Variants in CCDC3 observed in about 807,000 individuals in gnomAD.
CCDC3 encodes the protein coiled-coil domain-containing protein 3.
Under a neutral mutation model 21.4 loss-of-function variants are expected in CCDC3, and 24 were observed. That is an observed-to-expected ratio of 1.12 (90% CI 0.81 to 1.58). CCDC3 has a LOEUF of 1.58. Ranked by LOEUF, CCDC3 falls within the 40% of genes most tolerant of loss-of-function variation. CCDC3 has a pLI of 0.00. For synonymous variants in CCDC3, 186 were observed against 166.0 expected (o/e 1.12, Z -0.93); for missense variants, 425 against 360.9 (o/e 1.18, Z -1.44).
chr10:13,078,655 A>G (rs1007141840), intron 3 of CCDC3, among the ~76,000 whole-genome samples: 1 of 152,190 alleles, frequency 6.6e-6, no homozygotes, highest in Admixed American at 6.5e-5. Flanking sequence ...TGTGGCACAT[A>G]TACACCCTGG....
intron 2 of CCDC3, among the ~76,000 whole-genome samples, chr10:12,903,191 G>A (rs765848045): frequency 6.6e-6 from 1 of 152,196 alleles, no homozygotes; most frequent in Non-Finnish European, 1.5e-5. Flanking sequence ...AGTAGGGGGA[G>A]CCTGTGTCAT....
intron 2 of CCDC3, among the ~76,000 whole-genome samples, chr10:12,953,019 T>C (rs1835030485): frequency 6.6e-6 from 1 of 152,152 alleles, no homozygotes; most frequent in Non-Finnish European, 1.5e-5. Flanking sequence ...CACACAGTCC[T>C]GTTGGACCCC....
intron 2 of CCDC3, among the ~76,000 whole-genome samples, chr10:12,989,418 T>C (rs1201217328): frequency 6.6e-6 from 1 of 152,108 alleles, no homozygotes; most frequent in Non-Finnish European, 1.5e-5. Flanking sequence ...ACTCACTCAT[T>C]CATTCATTTT....
intron 5 of CCDC3, among the ~76,000 whole-genome samples, chr10:13,035,935 GGA>G (rs1045576714): frequency 3.3e-5 from 5 of 152,056 alleles, no homozygotes; most frequent in Non-Finnish European, 5.9e-5. Flanking sequence ...CATGAGGTCA[GGA>G]GATCAAGAGC....
At chr10:12,977,083 C>T (rs1313787671) in intron 2 of CCDC3, among the ~76,000 whole-genome samples, 1 of 152,012 alleles carries the variant, frequency 6.6e-6, no homozygotes, top group South Asian at 2.1e-4. Flanking sequence ...AGACCAACCT[C>T]ACCAACATGG....
chr10:13,007,507 C>T (rs1835939049), intron 5 of CCDC3, among the ~76,000 whole-genome samples: 1 of 152,146 alleles, frequency 6.6e-6, no homozygotes, highest in African/African-American at 2.4e-5. Flanking sequence ...TATAGGCAGT[C>T]TTGCAATTTC....
intron 4 of CCDC3, among the ~76,000 whole-genome samples, chr10:13,053,889 A>G (rs556337974): frequency 6.6e-6 from 1 of 152,254 alleles, no homozygotes; most frequent in South Asian, 2.1e-4. Flanking sequence ...AAACTCTTGT[A>G]ATCGCAGCAC....
upstream of CCDC3, among the ~76,000 whole-genome samples, chr10:13,005,884 T>C (rs192500764): frequency 3.9e-5 from 6 of 152,268 alleles, no homozygotes; most frequent in Admixed American, 3.3e-4. Context: ...CCCTCCTAAA[T>C]ACAAAAAGGC....
chr10:13,003,967 T>C (rs1404041923), upstream of CCDC3, among the ~76,000 whole-genome samples: 2 of 152,206 alleles, frequency 1.3e-5, no homozygotes, highest in African/African-American at 4.8e-5. Flanking sequence ...CTGATTGGGT[T>C]TCTCTTCCTG....
chr10:12,933,270 A>G (rs1448589011), intron 2 of CCDC3, among the ~76,000 whole-genome samples: 1 of 152,152 alleles, frequency 6.6e-6, no homozygotes, highest in Non-Finnish European at 1.5e-5. Flanking sequence ...CAGTGAATCC[A>G]TCTGGGCTTG....
intron 2 of CCDC3, among the ~76,000 whole-genome samples, chr10:12,955,476 T>C (rs749495712): frequency 6.6e-6 from 1 of 152,182 alleles, no homozygotes; most frequent in Non-Finnish European, 1.5e-5. Flanking sequence ...GGTGTTGGGA[T>C]AGAGGAAAGG....
chr10:12,988,011 CT>C (rs1835624117), intron 2 of CCDC3, among the ~76,000 whole-genome samples: 1 of 152,274 alleles, frequency 6.6e-6, no homozygotes, highest in African/African-American at 2.4e-5. Flanking sequence ...CAGAGTGTTC[CT>C]TTTCTGAAAG....
rs1282242729 is a variant in CCDC3, at chr10:13,063,343, A to G, written c.-270+10525T>C. The stretch of plus-strand genomic sequence containing the variant: ...GTGTCCTGCTAATTTTCCATCCTCT[A>G]TTTGATTTTTATGTATGTATCAATA... On this transcript the variant is annotated intron_variant, in intron 4 of 6. Coordinates refer to the CCDC3 transcript ENST00000378839. Among the ~76,000 whole-genome samples, 6 of 108,410 alleles carry G rather than the reference A, an allele frequency of 5.5e-5. No individual in the cohort carries two copies. In the Admixed American group the frequency reaches 5.7e-4, roughly 10 times the overall value. 71.1% of individuals were successfully genotyped at this position (108,410 alleles called of 152,430 possible).
intron 1 of CCDC3, among the ~76,000 whole-genome samples, chr10:13,000,678 A>G (rs1286971745): frequency 1.3e-5 from 2 of 152,142 alleles, no homozygotes; most frequent in Non-Finnish European, 2.9e-5. Context: ...TCAACTTCTA[A>G]CCTGCACCAG....
intron 2 of CCDC3, among the ~76,000 whole-genome samples, chr10:12,982,071 G>A (rs1420488487): frequency 1.6e-5 from 2 of 128,188 alleles, no homozygotes; most frequent in Non-Finnish European, 3.1e-5. Flanking sequence ...GCAGTGAGCC[G>A]AGATCATGTC....
At chr10:13,037,358 C>A (rs896404824) in intron 5 of CCDC3, among the ~76,000 whole-genome samples, 1 of 152,040 alleles carries the variant, frequency 6.6e-6, no homozygotes, top group Admixed American at 6.6e-5. Context: ...ATTACGTAAC[C>A]ATAATGCCAT....
At position 13,089,368 on chromosome 10, in the gene CCDC3, C is replaced by A. The variant is rs78281707; in HGVS notation, c.-503+9157G>T. ...GAATCATATAAAGAATGCAAGTAAA[C>A]AACTTAGTACTATTGTTATATTCTT... On this transcript the variant is annotated intron_variant, in intron 3 of 6. Transcript: ENST00000378839. 1.4e-3 allele frequency among the ~76,000 whole-genome samples: 215 copies of A among 152,132 alleles called. 1 individual carries two copies. Among genetic ancestry groups the A allele is most frequent in the African/African-American group, 4.7e-3 (196 of 41,532 alleles).
intron 2 of CCDC3, among the ~76,000 whole-genome samples, chr10:12,905,081 A>G (rs1278003065): frequency 6.6e-6 from 1 of 152,178 alleles, no homozygotes; most frequent in African/African-American, 2.4e-5. Flanking sequence ...ACGTAAAAAT[A>G]TAAAGGAAGA....
chr10:12,928,095 G>C (rs1427672818), intron 2 of CCDC3, among the ~76,000 whole-genome samples: 1 of 152,188 alleles, frequency 6.6e-6, no homozygotes, highest in Admixed American at 6.5e-5. Flanking sequence ...CACAGCCAAG[G>C]AAATGGCAAA....
Sources: gnomAD v4.1 joint callset for allele counts (sites outside exome capture counted in the v4.1 genomes callset) on GRCh38, gnomAD v4.1.1 for gene constraint, MANE v1.5 for transcripts, NCBI Gene and HGNC (gene_info 2026-07-23, HGNC 2026-07-21) for gene names.